TMEM38A: variants seen among roughly 807,000 people sequenced by gnomAD.
The protein encoded by TMEM38A is trimeric intracellular cation channel type A.
A neutral mutation model predicts 28.6 loss-of-function variants in TMEM38A; 17 were observed. The observed-to-expected ratio is 0.60, with a 90% CI of 0.41 to 0.89. The LOEUF (loss-of-function observed/expected upper bound fraction) is 0.89. Ranked by LOEUF, TMEM38A falls within the 40% of genes least tolerant of loss-of-function variation. The probability of loss-of-function intolerance (pLI) is 0.00; values close to 1 mark genes in which losing one functional copy is unlikely to be tolerated. For synonymous variants in TMEM38A, 169 were observed against 166.1 expected (o/e 1.02, Z -0.14); for missense variants, 328 against 393.1 (o/e 0.83, Z 1.40).
At chr19:16,679,596 A>G (rs976534134) in intron 1 of TMEM38A, among the ~76,000 whole-genome samples, 1 of 151,948 alleles carries the variant, frequency 6.6e-6, no homozygotes, top group African/African-American at 2.4e-5. Flanking sequence ...CCCGGCCCAG[A>G]GTAGCAATTT....
chr19:16,685,086 A>AT (rs1291227845), intron 4 of TMEM38A, among the ~76,000 whole-genome samples: 6 of 150,514 alleles, frequency 4.0e-5, no homozygotes, highest in African/African-American at 1.5e-4. Flanking sequence ...AAATAAATAA[A>AT]ACGAAATCAG....
At chr19:16,675,384 C>T (rs1473997273) in intron 1 of TMEM38A, among the ~76,000 whole-genome samples, 4 of 151,876 alleles carry the variant, frequency 2.6e-5, no homozygotes, top group Admixed American at 6.6e-5. Flanking sequence ...CCTGCCATCA[C>T]GCCCAGCTAA....
intron 3 of TMEM38A, 120 bp downstream of exon 3, chr19:16,680,701 T>A: frequency 1.0e-6 from 1 of 966,002 alleles, no homozygotes; most frequent in Non-Finnish European, 1.6e-6. Context: ...AAGACTGCAG[T>A]AGGTGTTCAA....
At chr19:16,687,087 T>A (rs1352229916) in intron 5 of TMEM38A, among the ~76,000 whole-genome samples, 1 of 152,078 alleles carries the variant, frequency 6.6e-6, no homozygotes, top group Non-Finnish European at 1.5e-5. Flanking sequence ...ATGCCAACAC[T>A]TCAGGGGGCC....
chr19:16,667,184 A>C (rs2086706943), intron 1 of TMEM38A, among the ~76,000 whole-genome samples: 1 of 147,128 alleles, frequency 6.8e-6, no homozygotes, highest in African/African-American at 2.5e-5. Flanking sequence ...CAGGAGAATC[A>C]CTTGAACCAG....
chr19:16,683,695 G>C (rs1410580521), intron 4 of TMEM38A, among the ~76,000 whole-genome samples: 1 of 152,044 alleles, frequency 6.6e-6, no homozygotes, highest in Non-Finnish European at 1.5e-5. Context: ...ATTAGGCTGG[G>C]CACGGTGGCT....
chr19:16,682,597 G>T (rs1169174873), intron 4 of TMEM38A, 89 bp downstream of exon 4: 3 of 1,183,586 alleles, frequency 2.5e-6, no homozygotes, highest in Non-Finnish European at 3.8e-6. Flanking sequence ...ACTTAGAGAG[G>T]CCTCAACCCT....
chr19:16,679,452 T>G (rs758271745), intron 1 of TMEM38A, among the ~76,000 whole-genome samples: 9 of 151,978 alleles, frequency 5.9e-5, no homozygotes, highest in Non-Finnish European at 1.0e-4. Flanking sequence ...TGCACTACCG[T>G]TCCCGGCTAA....
intron 1 of TMEM38A, among the ~76,000 whole-genome samples, chr19:16,674,691 C>T (rs2086742374): frequency 2.6e-5 from 4 of 151,006 alleles, no homozygotes; most frequent in Admixed American, 6.6e-5. Flanking sequence ...CCTAGCTAGT[C>T]GGGAGGCTGA....
rs532368195 is a variant in TMEM38A, at chr19:16,667,289, A to AG, written c.124+5948_124+5949insG. Among the ~76,000 whole-genome samples the AG allele has an allele frequency of 1.6e-3, 239 of 151,710 alleles. 2 individuals carry two copies. The highest frequency in any genetic ancestry group is 6.8e-3 in the Middle Eastern group (2 of 294). On this transcript the variant is annotated intron_variant, in intron 1 of 5. Transcript: ENST00000187762. ...GAAACTCCATTTCAGGAAAAAAAAA[A>AG]AGAGAAAGAAATGCAGAACCCAGGC...
At chr19:16,669,318 T>G (rs1290054123) in intron 1 of TMEM38A, among the ~76,000 whole-genome samples, 1 of 151,724 alleles carries the variant, frequency 6.6e-6, no homozygotes, top group Non-Finnish European at 1.5e-5. Context: ...GCAATTCTCC[T>G]GCCTCAGCCT....
intron 4 of TMEM38A, 42 bp from the exon 5 acceptor site, chr19:16,686,246 G>A (rs752430707): frequency 1.5e-5 from 23 of 1,505,076 alleles, no homozygotes; most frequent in Non-Finnish European, 2.0e-5. Flanking sequence ...GAAGACTTGA[G>A]CCATGCAGGC....
chr19:16,681,455 A>T (rs990056780), intron 3 of TMEM38A, among the ~76,000 whole-genome samples: 4 of 152,180 alleles, frequency 2.6e-5, no homozygotes, highest in African/African-American at 9.7e-5. Flanking sequence ...GACAGAAGTT[A>T]GGGGAGAAAG....
At position 16,661,224 on chromosome 19, in the gene TMEM38A, C is replaced by T. The variant is rs1159774857; in HGVS notation, c.7C>T (p.Leu3=). 6.5e-7 allele frequency: 1 copy of T among 1,548,906 alleles called. No individual in the cohort carries two copies. Among genetic ancestry groups the T allele is most frequent in the Admixed American group, 1.9e-5 (1 of 53,596 alleles). Residue 3 remains leucine, a synonymous_variant, in exon 1 of 6, where the codon CTG becomes TTG. Coordinates refer to ENST00000187762, the MANE Select transcript of TMEM38A (RefSeq NM_024074.4). This position sits in a 1 kb window ranked among gnomAD's most constrained non-coding sequence, Gnocchi z 6.5. ME[L]LSALSLGELA... ...AGGCGGGCAGGCGGGCGCCATGGAG[C>T]TGCTCTCGGCGCTGAGCCTGGGCGA...
At chr19:16,672,637 T>TG (rs1324250961) in intron 1 of TMEM38A, among the ~76,000 whole-genome samples, 2 of 151,644 alleles carry the variant, frequency 1.3e-5, no homozygotes, top group South Asian at 4.2e-4. Context: ...TTAGTAGAGA[T>TG]GGGGGTTTCA....
At chr19:16,673,345 G>A (rs146135875) in intron 1 of TMEM38A, among the ~76,000 whole-genome samples, 2 of 152,306 alleles carry the variant, frequency 1.3e-5, no homozygotes, top group East Asian at 3.9e-4. Flanking sequence ...GCCTCCCAAA[G>A]TGCTGGGTGA....
intron 1 of TMEM38A, among the ~76,000 whole-genome samples, chr19:16,674,861 C>G (rs2086743430): frequency 6.6e-6 from 1 of 152,030 alleles, no homozygotes; most frequent in African/African-American, 2.4e-5. Context: ...CCCATAAATT[C>G]ATTCACAGTT....
chr19:16,681,149 A>G (rs534644544), intron 3 of TMEM38A, among the ~76,000 whole-genome samples: 1 of 152,262 alleles, frequency 6.6e-6, no homozygotes, highest in Admixed American at 6.5e-5. Flanking sequence ...AGAGCTAGAC[A>G]TGGTGGCTCA....
chr19:16,677,312 A>G (rs968769052), intron 1 of TMEM38A, among the ~76,000 whole-genome samples: 2 of 152,056 alleles, frequency 1.3e-5, no homozygotes, highest in African/African-American at 4.8e-5. Context: ...TGGGTACACT[A>G]TCATTAACTC....
Sources: allele counts gnomAD v4.1 joint callset (sites outside exome capture counted in the v4.1 genomes callset), GRCh38; gene constraint gnomAD v4.1.1; non-coding constraint Gnocchi (gnomAD v3.1); transcripts MANE v1.5; gene names NCBI Gene and HGNC (gene_info 2026-07-23, HGNC 2026-07-21).